PPP1R9A: variants seen among roughly 807,000 people sequenced by gnomAD.
The protein encoded by PPP1R9A is protein phosphatase 1 regulatory subunit 9A, also known as neurabin-1.
In PPP1R9A, 59 loss-of-function variants were observed where a neutral mutation model predicts 141.9. That is an observed-to-expected ratio of 0.42 (90% CI 0.34 to 0.52). PPP1R9A has a LOEUF of 0.52. PPP1R9A is among the 20% of genes least tolerant of loss of function. The probability of loss-of-function intolerance (pLI) is 0.10; values close to 1 mark genes in which losing one functional copy is unlikely to be tolerated. For missense variants in PPP1R9A, 1,444 were observed against 1,611.9 expected (o/e 0.90, Z 1.78); for synonymous variants, 500 against 569.7 (o/e 0.88, Z 1.74).
intron 2 of PPP1R9A, among the ~76,000 whole-genome samples, chr7:94,996,806 T>G (rs1802239416): frequency 6.7e-6 from 1 of 149,822 alleles, no homozygotes. Flanking sequence ...TGTGTTTTTT[T>G]TTTTTTTTTT....
At chr7:95,104,517 A>G (rs1362846479) in intron 2 of PPP1R9A, among the ~76,000 whole-genome samples, 1 of 152,198 alleles carries the variant, frequency 6.6e-6, no homozygotes, top group Non-Finnish European at 1.5e-5. Flanking sequence ...AAGCTTGCAG[A>G]GGAGTAGACT....
At chr7:95,078,681 G>A (rs939996875) in intron 2 of PPP1R9A, among the ~76,000 whole-genome samples, 3 of 152,080 alleles carry the variant, frequency 2.0e-5, no homozygotes, top group African/African-American at 7.3e-5. Flanking sequence ...TCTAACTGGT[G>A]TGAGATGCTA....
At chr7:95,235,598 T>C (rs968483452) in intron 8 of PPP1R9A, among the ~76,000 whole-genome samples, 1 of 152,180 alleles carries the variant, frequency 6.6e-6, no homozygotes, top group Non-Finnish European at 1.5e-5. Flanking sequence ...ACAACCACTA[T>C]GGAAAACAGT....
chr7:95,039,543 G>A (rs374442010), intron 2 of PPP1R9A, among the ~76,000 whole-genome samples: 31 of 150,874 alleles, frequency 2.1e-4, no homozygotes, highest in African/African-American at 7.1e-4. Flanking sequence ...GGGCGACAGA[G>A]GGAGACTACA....
At chr7:95,013,923 C>T (rs1264320341) in intron 2 of PPP1R9A, among the ~76,000 whole-genome samples, 1 of 152,068 alleles carries the variant, frequency 6.6e-6, no homozygotes, top group East Asian at 1.9e-4. Flanking sequence ...CTCATGTACT[C>T]ATAACCCAGA....
At position 95,294,890 on chromosome 7, in the gene PPP1R9A, G is replaced by C. The variant is rs564620330; in HGVS notation, c.*4587G>C. 4 of 152,582 alleles carry C rather than the reference G, an allele frequency of 2.6e-5. No homozygotes were observed. Among genetic ancestry groups the C allele is most frequent in the Admixed American group, 1.3e-4 (2 of 15,272 alleles). The allele number at this position is 152,582 out of a possible 1,614,324, so 9.5% of individuals were successfully genotyped here. The stretch of plus-strand genomic sequence containing the variant: ...TACTTGAAGGTTCACATATGTAAGC[G>C]TGTGGACCCAGCACAGTCTGTGACC... On this transcript the variant is annotated 3_prime_UTR_variant, in exon 20 of 20. Transcript: ENST00000433360.
intron 5 of PPP1R9A, among the ~76,000 whole-genome samples, chr7:95,173,499 G>C (rs973692617): frequency 5.3e-5 from 8 of 151,552 alleles, no homozygotes; most frequent in Non-Finnish European, 5.9e-5. Context: ...AAGTGTAAGA[G>C]GAAATAATGA....
rs77484550 is a variant in PPP1R9A, at chr7:95,078,678, G to T, written c.1396-32581G>T. ...CTTTTTAATGATTGCCATTCTAACT[G>T]GTGTGAGATGCTATCTCATTGTGGT... On this transcript the variant is annotated intron_variant, in intron 2 of 19. Transcript: ENST00000433360. Among the ~76,000 whole-genome samples, 1,100 of 152,116 alleles carry T rather than the reference G, an allele frequency of 7.2e-3. 13 individuals are homozygous for T. Among genetic ancestry groups the T allele is most frequent in the African/African-American group, 0.025 (1,033 of 41,460 alleles).
At chr7:95,226,180 T>C (rs1795122363) in intron 8 of PPP1R9A, 64 bp downstream of exon 8, 4 of 1,446,908 alleles carry the variant, frequency 2.8e-6, no homozygotes, top group Admixed American at 3.9e-5. Flanking sequence ...TATATTTCTG[T>C]TCAAATAATA....
intron 2 of PPP1R9A, among the ~76,000 whole-genome samples, chr7:95,084,985 G>A (rs533480113): frequency 1.3e-5 from 2 of 152,034 alleles, no homozygotes; most frequent in African/African-American, 4.8e-5. Context: ...TTTACCGTTA[G>A]TGTCTGTTGT....
chr7:95,213,138 G>A (rs976747483), intron 7 of PPP1R9A, among the ~76,000 whole-genome samples: 1 of 151,822 alleles, frequency 6.6e-6, no homozygotes, highest in Non-Finnish European at 1.5e-5. Flanking sequence ...TGTTTTTTGA[G>A]CAGCAGCAGC....
chr7:95,064,823 A>G (rs1215928374), intron 2 of PPP1R9A, among the ~76,000 whole-genome samples: 1 of 152,224 alleles, frequency 6.6e-6, no homozygotes, highest in Non-Finnish European at 1.5e-5. Flanking sequence ...AGAATTAATG[A>G]GAACTTTTGA....
chr7:95,100,145 C>T (rs528963522), intron 2 of PPP1R9A, among the ~76,000 whole-genome samples: 19 of 152,110 alleles, frequency 1.2e-4, no homozygotes, highest in African/African-American at 3.4e-4. Context: ...TTTGAGGAGT[C>T]GTGGTGGCTC....
intron 2 of PPP1R9A, among the ~76,000 whole-genome samples, chr7:95,019,105 A>T (rs558891881): frequency 1.3e-5 from 2 of 152,312 alleles, no homozygotes; most frequent in African/African-American, 4.8e-5. Flanking sequence ...TACTACTTAG[A>T]AAAAATAGGC....
intron 2 of PPP1R9A, among the ~76,000 whole-genome samples, chr7:94,920,961 C>T (rs1271448438): frequency 6.6e-6 from 1 of 151,662 alleles, no homozygotes; most frequent in African/African-American, 2.4e-5. Context: ...TACTCCTCCT[C>T]TTTTAAAAAT....
chr7:95,063,281 G>A (rs1056830499), intron 2 of PPP1R9A, among the ~76,000 whole-genome samples: 2 of 152,136 alleles, frequency 1.3e-5, no homozygotes, highest in African/African-American at 2.4e-5. Context: ...GGTACATTTG[G>A]TGGAGGGAAT....
intron 2 of PPP1R9A, among the ~76,000 whole-genome samples, chr7:94,955,870 C>T (rs752252702): frequency 1.3e-5 from 2 of 152,078 alleles, no homozygotes; most frequent in Non-Finnish European, 2.9e-5. Context: ...TTCTGTGCCC[C>T]TGTTGTAGGA....
At chr7:95,273,775 T>A (rs1802632798) in intron 14 of PPP1R9A, 124 bp from the exon 15 acceptor site, 2 of 928,426 alleles carry the variant, frequency 2.2e-6, no homozygotes, top group Admixed American at 5.3e-5. Flanking sequence ...TAAGAAGGCA[T>A]TGATTATTTA....
At chr7:95,283,287 C>T (rs911401860) in intron 16 of PPP1R9A, among the ~76,000 whole-genome samples, 1 of 152,122 alleles carries the variant, frequency 6.6e-6, no homozygotes, top group Admixed American at 6.5e-5. Flanking sequence ...AAACATAGAC[C>T]ATTGACAATT....
Sources: allele counts gnomAD v4.1 joint callset (sites outside exome capture counted in the v4.1 genomes callset), GRCh38; gene constraint gnomAD v4.1.1; transcripts MANE v1.5; gene names NCBI Gene and HGNC (gene_info 2026-07-23, HGNC 2026-07-21).